TNRC6B: variants seen among roughly 807,000 people sequenced by gnomAD.
TNRC6B encodes trinucleotide repeat-containing gene 6B protein.
TNRC6B carries 52 observed loss-of-function variants against 203.6 expected under a neutral mutation model. That is an observed-to-expected ratio of 0.26 (90% CI 0.20 to 0.32). The LOEUF is 0.32. TNRC6B is among the 10% of genes least tolerant of loss of function. The probability of loss-of-function intolerance (pLI) is 1.00; values close to 1 mark genes in which losing one functional copy is unlikely to be tolerated. For synonymous variants in TNRC6B, 838 were observed against 845.7 expected, an observed-to-expected ratio of 0.99 and a Z score of 0.16; for missense variants, 1,923 against 2,286.2, an observed-to-expected ratio of 0.84 and a Z score of 3.24.
chr22:40,274,418 A>G (rs2070608589), intron 7 of TNRC6B, among the ~76,000 whole-genome samples: 1 of 149,190 alleles, frequency 6.7e-6, no homozygotes. Flanking sequence ...GATTAATGAT[A>G]TCTCTTTTTT....
chr22:40,206,943 C>T (rs1242668834), intron 1 of TNRC6B, among the ~76,000 whole-genome samples: 1 of 152,172 alleles, frequency 6.6e-6, no homozygotes, highest in Non-Finnish European at 1.5e-5. Flanking sequence ...AAACATCGGA[C>T]GTTTATTCTC....
At chr22:40,250,505 C>A (rs1459238527) in intron 2 of TNRC6B, among the ~76,000 whole-genome samples, 1 of 152,030 alleles carries the variant, frequency 6.6e-6, no homozygotes, top group Non-Finnish European at 1.5e-5. Context: ...CCAAAATTTA[C>A]ATATTTCAAT....
At chr22:40,065,460 T>C (rs1189455812) in intron 1 of TNRC6B, among the ~76,000 whole-genome samples, 3 of 139,574 alleles carry the variant, frequency 2.1e-5, no homozygotes, top group Admixed American at 1.4e-4. Context: ...TTTATAGGAA[T>C]TTTTTTTATT....
At chr22:40,224,565 C>T (rs1272964347) in intron 1 of TNRC6B, among the ~76,000 whole-genome samples, 1 of 152,166 alleles carries the variant, frequency 6.6e-6, no homozygotes, top group African/African-American at 2.4e-5. Flanking sequence ...TGTTTTGAAG[C>T]ATTTCTGTAG....
At chr22:40,261,104 C>T (rs2070375165) in intron 3 of TNRC6B, among the ~76,000 whole-genome samples, 1 of 151,740 alleles carries the variant, frequency 6.6e-6, no homozygotes, top group Non-Finnish European at 1.5e-5. Flanking sequence ...GGCAACATGG[C>T]AAAACCCTGT....
chr22:40,083,070 A>G (rs1188393872), intron 1 of TNRC6B, among the ~76,000 whole-genome samples: 1 of 152,230 alleles, frequency 6.6e-6, no homozygotes, highest in African/African-American at 2.4e-5. Flanking sequence ...AGAATGGAGA[A>G]TATTGTTTAA....
intron 3 of TNRC6B, among the ~76,000 whole-genome samples, chr22:40,127,561 AT>A (rs1479579394): frequency 5.3e-5 from 8 of 152,114 alleles, no homozygotes; most frequent in Non-Finnish European, 7.4e-5. Flanking sequence ...CAAGATCCTA[AT>A]TTACTAATTG....
At chr22:40,163,435 T>C (rs1457521797) in intron 4 of TNRC6B, among the ~76,000 whole-genome samples, 1 of 76,344 alleles carries the variant, frequency 1.3e-5, no homozygotes, top group African/African-American at 5.4e-5. Flanking sequence ...TTTTAATAGA[T>C]GACAGAATGA....
intron 2 of TNRC6B, among the ~76,000 whole-genome samples, chr22:40,118,186 A>G (rs2068408839): frequency 6.6e-6 from 1 of 152,130 alleles, no homozygotes; most frequent in South Asian, 2.1e-4. Flanking sequence ...TTGTCTCTAT[A>G]GAGACAGCCA....
intron 1 of TNRC6B, among the ~76,000 whole-genome samples, chr22:40,105,816 C>A (rs947981280): frequency 3.3e-5 from 5 of 152,066 alleles, no homozygotes; most frequent in Non-Finnish European, 2.9e-5. Flanking sequence ...GATCATGGGG[C>A]GTATCTGTCT....
At chr22:40,268,014 C>T (rs117330909) in intron 5 of TNRC6B, among the ~76,000 whole-genome samples, 4 of 152,178 alleles carry the variant, frequency 2.6e-5, no homozygotes, top group Admixed American at 2.0e-4. Context: ...TTGAATGTCC[C>T]TATAGAGCAT....
chr22:40,073,964 G>A (rs1432104725), intron 1 of TNRC6B, among the ~76,000 whole-genome samples: 2 of 151,978 alleles, frequency 1.3e-5, no homozygotes, highest in African/African-American at 4.8e-5. Flanking sequence ...AGCTACTCTG[G>A]ATGCTGAGGC....
chr22:40,147,291 G>A (rs889656700), intron 3 of TNRC6B, among the ~76,000 whole-genome samples: 1 of 152,172 alleles, frequency 6.6e-6, no homozygotes, highest in Admixed American at 6.5e-5. Context: ...TTAGGGACTG[G>A]GGGGAGCAGG....
chr22:40,246,882 T>G (rs1241083287), intron 2 of TNRC6B, among the ~76,000 whole-genome samples: 1 of 151,892 alleles, frequency 6.6e-6, no homozygotes, highest in Non-Finnish European at 1.5e-5. Context: ...ACGTAGTGCT[T>G]TGGAGGATAT....
chr22:40,293,946 G>GAA (rs1019461239), intron 12 of TNRC6B, among the ~76,000 whole-genome samples: 1 of 128,554 alleles, frequency 7.8e-6, no homozygotes, highest in African/African-American at 2.9e-5. Context: ...GCTCTACCTA[G>GAA]AAAAAAAAAA....
intron 2 of TNRC6B, among the ~76,000 whole-genome samples, chr22:40,121,984 A>C (rs1187279304): frequency 2.0e-5 from 3 of 152,236 alleles, no homozygotes; most frequent in Admixed American, 6.5e-5. Context: ...GTGCCCCCTC[A>C]TTAAAGTCCA....
At position 40,319,396 on chromosome 22, in the gene TNRC6B, C is replaced by G. The variant is rs376815837; in HGVS notation, c.4975-1694C>G. Among the ~76,000 whole-genome samples, 11 of 150,316 alleles carry G rather than the reference C, an allele frequency of 7.3e-5. No homozygotes were observed. In the East Asian group the frequency reaches 1.6e-3, roughly 21 times the overall value. ...AGAAAGACCACATTCACATAACTTA[C>G]AGTATGTTGTTATAACTTTTCTTTT... On this transcript the variant is annotated intron_variant, in intron 21 of 22. Transcript: ENST00000454349.
chr22:40,056,448 A>AGG (rs900001080), intron 1 of TNRC6B, among the ~76,000 whole-genome samples: 4 of 152,200 alleles, frequency 2.6e-5, no homozygotes, highest in Admixed American at 1.3e-4. Context: ...AAGAGAAAGG[A>AGG]CAGAGAAAAA....
intron 3 of TNRC6B, among the ~76,000 whole-genome samples, chr22:40,131,776 A>G (rs2068547085): frequency 6.6e-6 from 1 of 152,228 alleles, no homozygotes; most frequent in South Asian, 2.1e-4. Context: ...ATGACCTAAC[A>G]AATTTCTCAA....
Sources: allele counts gnomAD v4.1 joint callset (sites outside exome capture counted in the v4.1 genomes callset), GRCh38; gene constraint gnomAD v4.1.1; transcripts MANE v1.5; gene names NCBI Gene and HGNC (gene_info 2026-07-23, HGNC 2026-07-21).